Variants in ROBO1 observed in about 807,000 individuals in gnomAD.
ROBO1 encodes roundabout guidance receptor 1, also known as roundabout homolog 1.
A neutral mutation model predicts 195.9 loss-of-function variants in ROBO1; 149 were observed. The ratio of observed to expected loss-of-function variants is 0.76; its 90% CI spans 0.67 to 0.87. The LOEUF is 0.87. Ranked by LOEUF, ROBO1 falls within the 40% of genes least tolerant of loss-of-function variation. The probability of loss-of-function intolerance (pLI) is 0.00; values close to 1 mark genes in which losing one functional copy is unlikely to be tolerated. For synonymous variants in ROBO1, 816 were observed against 733.2 expected, an observed-to-expected ratio of 1.11 and a Z score of -1.82; for missense variants, 1,933 against 2,068.3, an observed-to-expected ratio of 0.93 and a Z score of 1.27.
intron 3 of ROBO1, among the ~76,000 whole-genome samples, chr3:79,036,933 A>C (rs2078390879): frequency 6.6e-6 from 1 of 152,194 alleles, no homozygotes; most frequent in Admixed American, 6.6e-5. Flanking sequence ...CAGATTCTCG[A>C]GTTCTCATAG....
At chr3:79,520,274 G>T (rs933051649) in intron 2 of ROBO1, among the ~76,000 whole-genome samples, 2 of 152,062 alleles carry the variant, frequency 1.3e-5, no homozygotes, top group African/African-American at 2.4e-5. Context: ...GTGTCAGGAA[G>T]TTAGCTATTA....
chr3:79,639,312 T>C (rs541376952), intron 1 of ROBO1, among the ~76,000 whole-genome samples: 21 of 152,310 alleles, frequency 1.4e-4, no homozygotes, highest in African/African-American at 4.8e-4. Context: ...TATATCTTGA[T>C]ACATTCATTT....
At chr3:79,745,867 A>AC (rs1703853659) in intron 1 of ROBO1, among the ~76,000 whole-genome samples, 1 of 151,968 alleles carries the variant, frequency 6.6e-6, no homozygotes, top group Non-Finnish European at 1.5e-5. Context: ...GTGGCTTTTT[A>AC]CCCCTTAAAA....
intron 2 of ROBO1, among the ~76,000 whole-genome samples, chr3:79,300,248 G>A (rs2032840939): frequency 6.6e-6 from 1 of 152,212 alleles, no homozygotes; most frequent in South Asian, 2.1e-4. Context: ...CTGCGGCTGC[G>A]CTCGGCGCTT....
intron 2 of ROBO1, among the ~76,000 whole-genome samples, chr3:79,408,607 T>C (rs189119755): frequency 3.3e-5 from 5 of 152,220 alleles, no homozygotes; most frequent in Admixed American, 2.6e-4. Context: ...AAGGTCTTTA[T>C]CAGTTCTTGT....
At chr3:78,641,057 T>C (rs942558275) in intron 21 of ROBO1, among the ~76,000 whole-genome samples, 2 of 152,184 alleles carry the variant, frequency 1.3e-5, no homozygotes, top group Admixed American at 6.5e-5. Flanking sequence ...TATAGTTATA[T>C]AATAAAAATA....
chr3:79,711,280 C>T (rs568437868), intron 1 of ROBO1, among the ~76,000 whole-genome samples: 2 of 152,098 alleles, frequency 1.3e-5, no homozygotes, highest in East Asian at 3.9e-4. Flanking sequence ...AATAACTGAC[C>T]TATACTGTTC....
chr3:78,904,120 T>C lies in ROBO1; in HGVS notation c.499+34481A>G, dbSNP rs561152289. On this transcript the variant is annotated intron_variant, in intron 4 of 30. Coordinates refer to ENST00000464233, the MANE Select transcript of ROBO1 (RefSeq NM_002941.4). ...TATGACTATTATTAGTGTATGTATA[T>C]ATACAACATATATATACATATATAT... Among the ~76,000 whole-genome samples, 25 of 151,690 alleles carry C rather than the reference T, an allele frequency of 1.6e-4. 1 individual carries two copies. The Middle Eastern group carries it at 0.017, about 106-fold the overall frequency.
chr3:78,848,692 C>T (rs760690629), intron 4 of ROBO1, among the ~76,000 whole-genome samples: 1 of 152,048 alleles, frequency 6.6e-6, no homozygotes, highest in African/African-American at 2.4e-5. Flanking sequence ...AGAAGGACAG[C>T]GATCATTATC....
intron 10 of ROBO1, among the ~76,000 whole-genome samples, chr3:78,677,155 A>C (rs1224332945): frequency 6.6e-6 from 1 of 152,214 alleles, no homozygotes; most frequent in African/African-American, 2.4e-5. Context: ...GCCTGCCCTA[A>C]AAGAGCTCCT....
intron 2 of ROBO1, among the ~76,000 whole-genome samples, chr3:79,427,373 G>A (rs1173903441): frequency 6.6e-6 from 1 of 152,094 alleles, no homozygotes; most frequent in African/African-American, 2.4e-5. Flanking sequence ...CTTTAGAATA[G>A]CCAGCTCTGG....
chr3:78,862,762 A>G lies in ROBO1; in HGVS notation c.499+75839T>C, dbSNP rs531000281. On this transcript the variant is annotated intron_variant, in intron 4 of 30. Coordinates refer to ENST00000464233, the MANE Select transcript of ROBO1 (RefSeq NM_002941.4). ...TTTCTACCCTGAAGATACTTCAGAGATATGATATAAACCTCTCAGCAATTA... is the reference window on the plus strand; with the variant it reads ...TTTCTACCCTGAAGATACTTCAGAGGTATGATATAAACCTCTCAGCAATTA... 2.6e-5 allele frequency among the ~76,000 whole-genome samples: 4 copies of G among 152,320 alleles called. No individual in the cohort carries two copies. The East Asian group carries it at 5.8e-4, about 22-fold the overall frequency.
intron 2 of ROBO1, among the ~76,000 whole-genome samples, chr3:79,371,160 T>C (rs2036179252): frequency 6.6e-6 from 1 of 152,160 alleles, no homozygotes; most frequent in South Asian, 2.1e-4. Flanking sequence ...TGTGCGTGTG[T>C]CTTTATAGTA....
intron 2 of ROBO1, among the ~76,000 whole-genome samples, chr3:79,310,962 A>G (rs1202975808): frequency 6.6e-6 from 1 of 152,204 alleles, no homozygotes; most frequent in Admixed American, 6.5e-5. Flanking sequence ...TCTCTTTGCC[A>G]TTCACATTTG....
At chr3:79,551,183 T>TA (rs1942496398) in intron 2 of ROBO1, among the ~76,000 whole-genome samples, 1 of 152,036 alleles carries the variant, frequency 6.6e-6, no homozygotes, top group Non-Finnish European at 1.5e-5. Flanking sequence ...CAACTTTTTT[T>TA]TAAATTTTAA....
At chr3:78,921,764 T>G (rs1012475221) in intron 4 of ROBO1, among the ~76,000 whole-genome samples, 22 of 150,594 alleles carry the variant, frequency 1.5e-4, no homozygotes, top group African/African-American at 4.9e-4. Context: ...ACAACACATA[T>G]AAAAGAACAG....
At chr3:79,449,264 T>G (rs934399009) in intron 2 of ROBO1, among the ~76,000 whole-genome samples, 3 of 151,912 alleles carry the variant, frequency 2.0e-5, no homozygotes, top group Admixed American at 1.3e-4. Context: ...AAAGATTCAG[T>G]AATATATGTG....
chr3:79,556,630 G>A (rs933336923), intron 2 of ROBO1, among the ~76,000 whole-genome samples: 102 of 151,894 alleles, frequency 6.7e-4, no homozygotes, highest in African/African-American at 2.3e-3. Context: ...TTGTATATAT[G>A]TATTATATTG....
At chr3:79,167,089 C>A (rs574469291) in intron 2 of ROBO1, among the ~76,000 whole-genome samples, 1 of 150,360 alleles carries the variant, frequency 6.7e-6, no homozygotes, top group East Asian at 1.9e-4. Flanking sequence ...CTAAAAGACA[C>A]AACCAGTGCC....
Sources: gnomAD v4.1 joint callset for allele counts (sites outside exome capture counted in the v4.1 genomes callset) on GRCh38, gnomAD v4.1.1 for gene constraint, MANE v1.5 for transcripts, NCBI Gene and HGNC (gene_info 2026-07-23, HGNC 2026-07-21) for gene names.